Variants in PKIB observed in about 807,000 individuals in gnomAD.
PKIB encodes the protein PKI-beta.
A neutral mutation model predicts 4.5 loss-of-function variants in PKIB; 2 were observed. The observed-to-expected ratio is 0.44, with a 90% confidence interval of 0.18 to 1.39. PKIB has a LOEUF of 1.39. Ranked by LOEUF, PKIB falls within the 40% of genes most tolerant of loss-of-function variation. The probability of loss-of-function intolerance (pLI) is 0.27; values close to 1 mark genes in which losing one functional copy is unlikely to be tolerated. For missense variants in PKIB, 94 were observed against 92.6 expected (o/e 1.02, Z -0.06); for synonymous variants, 38 against 36.0 (o/e 1.06, Z -0.20).
chr6:122,603,555 T>A (rs1306644694), intron 3 of PKIB, among the ~76,000 whole-genome samples: 1 of 152,218 alleles, frequency 6.6e-6, no homozygotes. Flanking sequence ...CTCAACTCAC[T>A]GCAACCTCCA....
At chr6:122,650,387 G>A (rs1776503700) in intron 2 of PKIB, among the ~76,000 whole-genome samples, 2 of 152,106 alleles carry the variant, frequency 1.3e-5, no homozygotes, top group Non-Finnish European at 2.9e-5. Context: ...GACAGCTCTG[G>A]TGATTTCTAC....
intron 2 of PKIB, chr6:122,483,064 T>C (rs1775671365): frequency 6.6e-6 from 1 of 150,932 alleles, no homozygotes; most frequent in African/African-American, 2.4e-5. Flanking sequence ...ATCATATAAA[T>C]TTATTTAAAA....
chr6:122,718,155 T>G (rs746579503), intron 4 of PKIB, among the ~76,000 whole-genome samples, 192 bp downstream of exon 4: 2 of 152,238 alleles, frequency 1.3e-5, no homozygotes, highest in Non-Finnish European at 2.9e-5. Flanking sequence ...ATCTTTTTTC[T>G]TATGCTGTGT....
intron 3 of PKIB, among the ~76,000 whole-genome samples, chr6:122,693,149 C>A (rs1778422405): frequency 1.3e-5 from 2 of 152,134 alleles, no homozygotes; most frequent in African/African-American, 4.8e-5. Flanking sequence ...ATCCTCTGTA[C>A]CCTGTGACGT....
rs147172387 is a variant in PKIB at position 122,611,238 on chromosome 6, G to A, written c.-161+703G>A. 5.1e-3 allele frequency among the ~76,000 whole-genome samples: 784 copies of A among 152,318 alleles called. 3 individuals are homozygous for A. Among genetic ancestry groups the A allele is most frequent in the Middle Eastern group, 0.01 (3 of 294 alleles). ...TAGCCCCTTGGGGAAATTCCTGAAG[G>A]TGCATTTCGGAGCCAAATGACCCTG... On this transcript the variant is annotated intron_variant, in intron 1 of 4. Coordinates refer to ENST00000368452, the MANE Select transcript of PKIB (RefSeq NM_181795.3).
chr6:122,536,944 A>G (rs1777423401), intron 2 of PKIB, among the ~76,000 whole-genome samples: 1 of 147,450 alleles, frequency 6.8e-6, no homozygotes, highest in Non-Finnish European at 1.5e-5. Flanking sequence ...TTTGCTTGGG[A>G]TGCCACATTG....
At chr6:122,507,839 T>C (rs1776460789) in intron 2 of PKIB, among the ~76,000 whole-genome samples, 1 of 151,786 alleles carries the variant, frequency 6.6e-6, no homozygotes, top group Non-Finnish European at 1.5e-5. Flanking sequence ...ACCACACAGG[T>C]TTTTCTTTAT....
At chr6:122,687,788 A>AT (rs1176446191) in intron 3 of PKIB, among the ~76,000 whole-genome samples, 1 of 152,082 alleles carries the variant, frequency 6.6e-6, no homozygotes, top group African/African-American at 2.4e-5. Context: ...AATGTTACTG[A>AT]TTTTTGAATG....
chr6:122,539,828 G>A (rs956480618), intron 2 of PKIB, among the ~76,000 whole-genome samples: 2 of 151,950 alleles, frequency 1.3e-5, no homozygotes, highest in African/African-American at 2.4e-5. Flanking sequence ...TTTTTGGTTC[G>A]TAAGCTATTG....
At chr6:122,494,657 G>A (rs149457414) in intron 2 of PKIB, among the ~76,000 whole-genome samples, 1 of 152,306 alleles carries the variant, frequency 6.6e-6, no homozygotes, top group African/African-American at 2.4e-5. Flanking sequence ...CAGAGAAACA[G>A]GGTAGAGAGT....
intron 3 of PKIB, among the ~76,000 whole-genome samples, chr6:122,595,507 C>T (rs12194149): frequency 0.1 from 15,364 of 152,156 alleles, 964 homozygotes; most frequent in East Asian, 0.18. Context: ...GTAGTCTTGG[C>T]AGAAGCATTG....
chr6:122,659,638 A>C (rs1158077276), intron 2 of PKIB, among the ~76,000 whole-genome samples: 1 of 152,130 alleles, frequency 6.6e-6, no homozygotes, highest in East Asian at 1.9e-4. Flanking sequence ...ACTAGTATTT[A>C]TTTTTATTTT....
chr6:122,552,426 G>C (rs535972242), intron 2 of PKIB, among the ~76,000 whole-genome samples: 31 of 152,230 alleles, frequency 2.0e-4, no homozygotes, highest in Non-Finnish European at 3.7e-4. Context: ...ACCCAGGCTA[G>C]AGTGCAGTGG....
intron 3 of PKIB, among the ~76,000 whole-genome samples, chr6:122,589,825 C>T (rs1348046812): frequency 1.3e-5 from 2 of 152,096 alleles, no homozygotes; most frequent in East Asian, 1.9e-4. Context: ...AAGGTAGTCA[C>T]GTTTTTACCA....
At chr6:122,571,503 G>A (rs1198261978) in intron 2 of PKIB, among the ~76,000 whole-genome samples, 3 of 152,048 alleles carry the variant, frequency 2.0e-5, no homozygotes, top group African/African-American at 7.2e-5. Flanking sequence ...TGAGACAAAA[G>A]CATCAGGTAA....
intron 2 of PKIB, among the ~76,000 whole-genome samples, chr6:122,550,879 A>C (rs1772655075): frequency 7.2e-5 from 11 of 152,176 alleles, no homozygotes; most frequent in Admixed American, 7.2e-4. Flanking sequence ...GCATACTTGA[A>C]AATGTCTTTA....
Position 122,523,920 on chromosome 6 carries a change from C to T in PKIB, c.-248+45981C>T, listed in dbSNP as rs188683569. Among the ~76,000 whole-genome samples, 622 of 152,216 alleles carry T rather than the reference C, an allele frequency of 4.1e-3. 5 individuals carry two copies. Among genetic ancestry groups the T allele is most frequent in the African/African-American group, 0.014 (563 of 41,530 alleles). On this transcript the variant is annotated intron_variant, in intron 2 of 6. Transcript: ENST00000392491. ...ATGTGAAACTGTGAGTCCATTAAAC[C>T]TCTTTTTCTTTATAAATTACCCAGT...
chr6:122,518,292 T>C (rs1036645913), intron 2 of PKIB, among the ~76,000 whole-genome samples: 2 of 152,170 alleles, frequency 1.3e-5, no homozygotes, highest in Admixed American at 6.5e-5. Flanking sequence ...TTACCAACCC[T>C]GCTTTAAGAG....
chr6:122,471,941 G>C (rs144100140), exon 1 of PKIB: 6 of 1,188,938 alleles, frequency 5.0e-6, no homozygotes, highest in Non-Finnish European at 5.6e-6. Context: ...GTCACTAGAC[G>C]ACACGGCTGT....
Sources: gnomAD v4.1 joint callset for allele counts (sites outside exome capture counted in the v4.1 genomes callset) on GRCh38, gnomAD v4.1.1 for gene constraint, MANE v1.5 for transcripts, NCBI Gene and HGNC (gene_info 2026-07-23, HGNC 2026-07-21) for gene names.